NLRP2: variants seen among roughly 807,000 people sequenced by gnomAD.
NLRP2 encodes the protein NACHT, LRR and PYD domains-containing protein 2.
NLRP2 carries 107 observed loss-of-function variants against 97.2 expected under a neutral mutation model. That is an observed-to-expected ratio of 1.10 (90% CI 0.94 to 1.29). The LOEUF is 1.29. Ranked by LOEUF, NLRP2 falls within the 50% of genes most tolerant of loss-of-function variation. The pLI is 0.00. For synonymous variants in NLRP2, 663 were observed against 551.5 expected, an observed-to-expected ratio of 1.20 and a Z score of -2.83; for missense variants, 1,495 against 1,330.3, an observed-to-expected ratio of 1.12 and a Z score of -1.93.
chr19:54,999,000 A>G (rs1348415667), intron 12 of NLRP2, among the ~76,000 whole-genome samples: 4 of 128,386 alleles, frequency 3.1e-5, no homozygotes, highest in East Asian at 4.0e-4. Flanking sequence ...TTCTTAGTAC[A>G]GAACAAAATG....
Position 54,970,269 on chromosome 19 carries a change from CTG to C in NLRP2, c.255_256del (p.Arg87SerfsTer4). On this transcript the variant is annotated frameshift_variant, in exon 2 of 13. Transcript: ENST00000448584. LOFTEE classifies it high-confidence loss of function. ...GAAAAGATGCACCGAATGGATCTGT[CTG>C]AGAGAGCAAAGGATGAAGTCAGAGG... 1 of 1,614,138 alleles carries C rather than the reference CTG, an allele frequency of 6.2e-7. No homozygotes were observed. Among genetic ancestry groups the C allele is most frequent in the South Asian group, 1.1e-5 (1 of 91,080 alleles).
intron 1 of NLRP2, among the ~76,000 whole-genome samples, chr19:54,966,845 T>C (rs2070463222): frequency 3.3e-5 from 4 of 122,494 alleles, no homozygotes; most frequent in Admixed American, 8.1e-5. Flanking sequence ...TTTTTTTTTT[T>C]TTTTTTCTTC....
intron 10 of NLRP2, 139 bp downstream of exon 10, chr19:54,990,811 T>C: frequency 1.2e-6 from 1 of 836,820 alleles, no homozygotes; most frequent in Non-Finnish European, 2.0e-6. Context: ...TGGTAAGACC[T>C]GGGTAGATGA....
Position 54,970,053 on chromosome 19 carries a change from C to A in NLRP2, c.38C>A (p.Ala13Asp), listed in dbSNP as rs374086849. The change falls in exon 2 of 13, where the codon GCT becomes GAT. Residue 13 changes from alanine to aspartate, a missense_variant. Ala to Asp is a moderately radical substitution (Grantham distance 126). Transcript: ENST00000448584. Reference sequence around the variant, plus strand: ...GCGCAGATGGGCTTCAACCTGCAGGCTCTCCTGGAGCAGCTCAGCCAGGAT... The same window carrying A: ...GCGCAGATGGGCTTCAACCTGCAGGATCTCCTGGAGCAGCTCAGCCAGGAT... ...SSAQMGFNLQ[A>D]LLEQLSQDEL... 1.2e-6 allele frequency: 2 copies of A among 1,614,030 alleles called. No individual in the cohort carries two copies. Among genetic ancestry groups the A allele is most frequent in the Non-Finnish European group, 1.7e-6 (2 of 1,180,022 alleles).
Position 54,973,759 on chromosome 19 carries a change from G to T in NLRP2, c.281-741G>T, listed in dbSNP as rs1238044669. 10 of 525,696 alleles carry T rather than the reference G, an allele frequency of 1.9e-5. No individual in the cohort carries two copies. The Admixed American group carries it at 2.0e-4, about 11-fold the overall frequency. 32.6% of individuals were successfully genotyped at this position (525,696 alleles called of 1,614,324 possible). A position where few individuals can be genotyped will look rare whatever the true frequency, so the allele number is the denominator to read the frequency against. The stretch of plus-strand genomic sequence containing the variant: ...CCCAGAGAGTTGTAAACTTACGAAG[G>T]TCTGGGCTCTGAAAAAGATACAAAT... On this transcript the variant is annotated intron_variant, in intron 2 of 12. Coordinates refer to ENST00000448584, the MANE Select transcript of NLRP2 (RefSeq NM_017852.5).
chr19:54,966,936 G>A (rs1267650140), intron 1 of NLRP2, among the ~76,000 whole-genome samples: 1 of 147,982 alleles, frequency 6.8e-6, no homozygotes, highest in East Asian at 2.0e-4. Flanking sequence ...TGACCTCTCA[G>A]GTTCAAGCAG....
At chr19:54,998,837 T>TAAC (rs2073011944) in intron 12 of NLRP2, among the ~76,000 whole-genome samples, 1 of 150,854 alleles carries the variant, frequency 6.6e-6, no homozygotes, top group Non-Finnish European at 1.5e-5. Flanking sequence ...TGATGACTCT[T>TAAC]AACGAGCGTG....
At chr19:54,970,371 C>A in intron 2 of NLRP2, 76 bp downstream of exon 2, 1 of 1,559,428 alleles carries the variant, frequency 6.4e-7, no homozygotes, top group Non-Finnish European at 8.8e-7. Flanking sequence ...ATTCAGAAGG[C>A]CAGGCGCGCT....
intron 3 of NLRP2, among the ~76,000 whole-genome samples, chr19:54,975,426 C>T (rs2071160591): frequency 7.0e-6 from 1 of 142,186 alleles, no homozygotes; most frequent in Non-Finnish European, 1.5e-5. Flanking sequence ...TGGCCCTTAC[C>T]AGCTACTTAT....
chr19:54,983,678 G>A lies in NLRP2; in HGVS notation c.1980G>A (p.Glu660=). 1 of 1,613,824 alleles carries A rather than the reference G, an allele frequency of 6.2e-7. No individual in the cohort carries two copies. Among genetic ancestry groups the A allele is most frequent in the Non-Finnish European group, 8.5e-7 (1 of 1,180,012 alleles). ...AAATGTCACTGCAGGTAATAAAGGA[G>A]AATCTCCCGGAGAATGTCACTGCGT... The part of the protein sequence containing the change: ...LQKMSLQVIK[E]NLPENVTASE... The change falls in exon 6 of 13, where the codon GAG becomes GAA. Residue 660 remains glutamate (E), a synonymous_variant. Coordinates refer to ENST00000448584, the MANE Select transcript of NLRP2 (RefSeq NM_017852.5).
rs2071628536 is a variant in NLRP2, at chr19:54,982,284, A to G, written c.586A>G (p.Ser196Gly). The stretch of plus-strand genomic sequence containing the variant: ...GAGATACAAGATGCTGATCCCATTC[A>G]GCAACCCCAGGGTGCTTCCCGGGCC... ...AERYKMLIPF[S>G]NPRVLPGPFS... Residue 196 changes from serine to glycine, a missense_variant, in exon 6 of 13, where the codon AGC becomes GGC. By Grantham distance (56) the Ser-to-Gly change is moderately conservative. Coordinates refer to ENST00000448584, the MANE Select transcript of NLRP2 (RefSeq NM_017852.5). 3 of 1,614,076 alleles carry G rather than the reference A, an allele frequency of 1.9e-6. No homozygotes were observed. Among genetic ancestry groups the G allele is most frequent in the Non-Finnish European group, 8.5e-7 (1 of 1,179,988 alleles).
At chr19:54,990,903 T>TG (rs1440747376) in intron 10 of NLRP2, 1 of 585,536 alleles carries the variant, frequency 1.7e-6, no homozygotes, top group Non-Finnish European at 3.0e-6. Flanking sequence ...TTTTCGGGTT[T>TG]TTTTTTTCCT....
At chr19:54,974,956 G>A (rs1380828242) in intron 3 of NLRP2, among the ~76,000 whole-genome samples, 2 of 151,384 alleles carry the variant, frequency 1.3e-5, no homozygotes, top group Non-Finnish European at 1.5e-5. Context: ...CCTGCCACCA[G>A]GCCCGGCTAA....
intron 5 of NLRP2, 132 bp from the exon 6 acceptor site, chr19:54,982,030 G>A (rs1286350230): frequency 2.4e-5 from 27 of 1,127,892 alleles, no homozygotes; most frequent in Admixed American, 2.2e-4. Flanking sequence ...TGCCTGCCTC[G>A]ACCTCCCAAA....
intron 3 of NLRP2, among the ~76,000 whole-genome samples, chr19:54,975,603 C>G (rs946545638): frequency 4.0e-5 from 6 of 150,204 alleles, no homozygotes; most frequent in African/African-American, 1.5e-4. Flanking sequence ...AGGCGCCCAC[C>G]ACCACGCCTG....
intron 6 of NLRP2, 92 bp from the exon 7 acceptor site, chr19:54,984,955 C>T: frequency 4.2e-6 from 5 of 1,199,146 alleles, no homozygotes; most frequent in Middle Eastern, 5.4e-4. Context: ...CAATTGTACT[C>T]ATTTGTCAGG....
rs769841893 is a variant in NLRP2 at position 54,985,155 on chromosome 19, CT to C, written c.2140del (p.Ser714ProfsTer2). 24 of 1,614,108 alleles carry C rather than the reference CT, an allele frequency of 1.5e-5. No homozygotes were observed. The highest frequency in any genetic ancestry group is 1.9e-5 in the Non-Finnish European group (22 of 1,179,990). On this transcript the variant is annotated frameshift_variant, in exon 7 of 13. Coordinates refer to ENST00000448584, the MANE Select transcript of NLRP2 (RefSeq NM_017852.5). LOFTEE classifies it high-confidence loss of function. ...LAINDSFLSA[S>X]LVRILCEQIA... ...CAATCAATGATAGCTTTCTCAGTGC[CT>C]CCCTAGTAAGGATCCTGTGTGAACA...
At chr19:54,973,344 G>GTTTTTTTTTT (rs10673643) in intron 2 of NLRP2, among the ~76,000 whole-genome samples, 2 of 92,520 alleles carry the variant, frequency 2.2e-5, no homozygotes, top group African/African-American at 9.0e-5. Context: ...ATGGGTGAGG[G>GTTTTTTTTTT]TTTTTTTTTT....
chr19:54,986,979 G>A (rs557525627), intron 8 of NLRP2, among the ~76,000 whole-genome samples: 4 of 152,068 alleles, frequency 2.6e-5, no homozygotes, highest in Admixed American at 1.3e-4. Flanking sequence ...CCACCTCCCA[G>A]GTTCAAGTGA....
Sources: allele counts gnomAD v4.1 joint callset (sites outside exome capture counted in the v4.1 genomes callset), GRCh38; gene constraint gnomAD v4.1.1; transcripts MANE v1.5; gene names NCBI Gene and HGNC (gene_info 2026-07-23, HGNC 2026-07-21).